Variants in LPCAT1 observed in about 807,000 individuals in gnomAD.
LPCAT1 encodes the protein lysophosphatidylcholine acyltransferase 1, also known as 1-acylglycerol-3-phosphate O-acyltransferase.
Under a neutral mutation model 60.9 loss-of-function variants are expected in LPCAT1, and 23 were observed. That is an observed-to-expected ratio of 0.38 (90% CI 0.27 to 0.53). The LOEUF (loss-of-function observed/expected upper bound fraction) is 0.53. Among genes scored for constraint, LPCAT1 ranks in the 20% least tolerant of loss-of-function variants. LPCAT1 has a pLI of 0.82. For missense variants in LPCAT1, 622 were observed against 723.6 expected (o/e 0.86, Z 1.61); for synonymous variants, 340 against 301.1 (o/e 1.13, Z -1.34).
At chr5:1,508,281 T>C (rs35837130) in intron 1 of LPCAT1, among the ~76,000 whole-genome samples, 2 of 152,246 alleles carry the variant, frequency 1.3e-5, no homozygotes, top group African/African-American at 4.8e-5. Context: ...GTATTATCAC[T>C]GCTTTGGTGT....
intron 1 of LPCAT1, among the ~76,000 whole-genome samples, chr5:1,515,459 G>T (rs1467863477): frequency 4.2e-5 from 1 of 24,052 alleles, no homozygotes; most frequent in Admixed American, 3.9e-4. Flanking sequence ...CACCTCCCCC[G>T]CCAGCCCAGA....
intron 13 of LPCAT1, among the ~76,000 whole-genome samples, chr5:1,464,723 AAC>A (rs533362388): frequency 3.9e-4 from 58 of 147,300 alleles, no homozygotes; most frequent in South Asian, 1.3e-3. Flanking sequence ...ACACACGGTA[AAC>A]ACACATGCAC....
At chr5:1,514,916 C>T (rs1406915298) in intron 1 of LPCAT1, among the ~76,000 whole-genome samples, 3 of 152,218 alleles carry the variant, frequency 2.0e-5, no homozygotes, top group Non-Finnish European at 2.9e-5. Context: ...CCAATCTCCC[C>T]GGACCTCCCG....
rs1383309700 is a variant in LPCAT1, at chr5:1,466,788, G to A, written c.1381C>T (p.Arg461Ter). ...CCCTTCTCCTCTTGGTCAATGGCTC[G>A]GAATAGGTCGGTCACGGTGAGCTCT... is the stretch of plus-strand genomic sequence containing the variant. ...VAELTVTDLFRAIDQEEKGKI... is the reference protein window; with the variant it reads ...VAELTVTDLF The change falls in exon 13 of 14, where the codon CGA becomes TGA. Residue 461 changes from arginine to a stop codon, truncating the protein, a stop_gained. Coordinates refer to ENST00000283415, the MANE Select transcript of LPCAT1 (RefSeq NM_024830.5). LOFTEE classifies it low-confidence loss of function (END_TRUNC). The A allele has an allele frequency of 6.2e-7, 1 of 1,612,810 alleles. No individual in the cohort carries two copies. Among genetic ancestry groups the A allele is most frequent in the Non-Finnish European group, 8.5e-7 (1 of 1,179,320 alleles).
Position 1,477,488 on chromosome 5 carries a change from T to A in LPCAT1, c.817-2A>T, listed in dbSNP as rs373686129. The A allele has an allele frequency of 1.9e-6, 3 of 1,611,126 alleles. No homozygotes were observed. The African/African-American group carries it at 4.0e-5, about 22-fold the overall frequency. On this transcript the variant is annotated splice_acceptor_variant, in intron 8 of 13. Coordinates refer to ENST00000283415, the MANE Select transcript of LPCAT1 (RefSeq NM_024830.5). LOFTEE classifies it high-confidence loss of function. This position sits in a 1 kb window ranked among gnomAD's most constrained non-coding sequence, Gnocchi z 6.0. ...AGAAGGGCTGTACACAGGAAGGAAC[T>A]GAGCACACAGAGAAGCTGCGTTAGT...
At position 1,483,734 on chromosome 5, in the gene LPCAT1, T is replaced by A. The variant is rs1331420998; in HGVS notation, c.668-248A>T. ...CCAAGGAACACTTTCTGTTTTAACATCGCGCACGAGCTGGAAGGCGTCTGT... is the reference window on the plus strand; with the variant it reads ...CCAAGGAACACTTTCTGTTTTAACAACGCGCACGAGCTGGAAGGCGTCTGT... On this transcript the variant is annotated intron_variant, in intron 5 of 13. Transcript: ENST00000283415. The surrounding 1 kb of genome is among the most constrained non-coding windows in gnomAD (Gnocchi z 9.2). Among the ~76,000 whole-genome samples, 1 of 151,974 alleles carries A rather than the reference T, an allele frequency of 6.6e-6. No individual in the cohort carries two copies. Among genetic ancestry groups the A allele is most frequent in the African/African-American group, 2.4e-5 (1 of 41,466 alleles).
chr5:1,520,787 C>T (rs1193375177), intron 1 of LPCAT1, among the ~76,000 whole-genome samples: 3 of 147,274 alleles, frequency 2.0e-5, no homozygotes, highest in Non-Finnish European at 3.0e-5. Context: ...GGCGTGAACC[C>T]GGGAAGCAGA....
At position 1,483,529 on chromosome 5, in the gene LPCAT1, C is replaced by A; in HGVS notation, c.668-43G>T. 6.2e-7 allele frequency: 1 copy of A among 1,601,036 alleles called. No individual in the cohort carries two copies. ...GCGGTGTTGCCCATGGCAGCCCACG[C>A]AGGACAGCGTCTGCTGCGTTTCTCA... is the stretch of plus-strand genomic sequence containing the variant. On this transcript the variant is annotated intron_variant, in intron 5 of 13. Transcript: ENST00000283415. This position sits in a 1 kb window ranked among gnomAD's most constrained non-coding sequence, Gnocchi z 9.2.
At chr5:1,520,860 C>CAAAAAAAAAAAAAAAAAAAAAAAAAAAA (rs59074953) in intron 1 of LPCAT1, among the ~76,000 whole-genome samples, 5 of 82,034 alleles carry the variant, frequency 6.1e-5, no homozygotes, top group Admixed American at 1.5e-4. Context: ...GAGACTGTCT[C>CAAAAAAAAAAAAAAAAAAAAAAAAAAAA]AAAAAAAAAA....
chr5:1,512,897 C>A (rs1736399053), intron 1 of LPCAT1, among the ~76,000 whole-genome samples: 1 of 152,258 alleles, frequency 6.6e-6, no homozygotes, highest in Non-Finnish European at 1.5e-5. Context: ...CAGAACGAGA[C>A]CGACGGAAAC....
At chr5:1,501,790 C>T (rs1736019888) in intron 1 of LPCAT1, among the ~76,000 whole-genome samples, 187 bp from the exon 2 acceptor site, 1 of 152,112 alleles carries the variant, frequency 6.6e-6, no homozygotes. Flanking sequence ...CTGACCGAGG[C>T]TGACCAGTGC....
At chr5:1,469,125 G>A (rs762525824) in intron 12 of LPCAT1, among the ~76,000 whole-genome samples, 20 of 152,326 alleles carry the variant, frequency 1.3e-4, no homozygotes, top group Non-Finnish European at 2.6e-4. Context: ...TGGTGTCGCC[G>A]TGGGGACGCA....
At chr5:1,464,565 AAC>A (rs201706598) in intron 13 of LPCAT1, among the ~76,000 whole-genome samples, 24 of 152,226 alleles carry the variant, frequency 1.6e-4, no homozygotes, top group Non-Finnish European at 2.6e-4. Flanking sequence ...CACACATGCA[AAC>A]ACACACACAC....
rs377159349 is a variant in LPCAT1 at position 1,473,857 on chromosome 5, A to C, written c.1179+100T>G. On this transcript the variant is annotated intron_variant, in intron 11 of 13. Transcript: ENST00000283415. ...GGGTGGTTTTCCTTCTCTGCTTTCAAATTCATGTGAAAATATATTTATATT... is the reference window on the plus strand; with the variant it reads ...GGGTGGTTTTCCTTCTCTGCTTTCACATTCATGTGAAAATATATTTATATT... 1 of 1,440,248 alleles carries C rather than the reference A, an allele frequency of 6.9e-7. No homozygotes were observed. The highest frequency in any genetic ancestry group is 9.3e-7 in the Non-Finnish European group (1 of 1,071,586). 89.2% of individuals were successfully genotyped at this position (1,440,248 alleles called of 1,614,324 possible).
rs771846188 is a variant in LPCAT1, at chr5:1,474,116, CAAAA to C, written c.1026-10_1026-7del. ...CAAGCTTTTCTGGTTTTAGCCTAGACAAAAAAAGAGGGAAAGCTTTCTTTTTCAA... is the reference window on the plus strand; with the variant it reads ...CAAGCTTTTCTGGTTTTAGCCTAGACAAAGAGGGAAAGCTTTCTTTTTCAA... On this transcript the variant is annotated splice_polypyrimidine_tract_variant and splice_region_variant and intron_variant, in intron 10 of 13. Coordinates refer to ENST00000283415, the MANE Select transcript of LPCAT1 (RefSeq NM_024830.5). The C allele has an allele frequency of 3.7e-6, 6 of 1,601,690 alleles. No homozygotes were observed. Among genetic ancestry groups the C allele is most frequent in the African/African-American group, 2.7e-5 (2 of 73,956 alleles).
intron 5 of LPCAT1, among the ~76,000 whole-genome samples, chr5:1,484,280 G>A (rs377142852): frequency 5.6e-4 from 86 of 152,394 alleles, no homozygotes; most frequent in Non-Finnish European, 1.0e-3. Flanking sequence ...CCCAGCAGCC[G>A]CTCCGCCTTC....
chr5:1,500,863 G>C (rs2126586760), intron 2 of LPCAT1, among the ~76,000 whole-genome samples: 1 of 152,358 alleles, frequency 6.6e-6, no homozygotes, highest in East Asian at 1.9e-4. Context: ...ACACCTGGAA[G>C]ATGGCCCCTC....
intron 1 of LPCAT1, among the ~76,000 whole-genome samples, chr5:1,513,702 A>G (rs10054325): frequency 0.01 from 1,532 of 147,716 alleles, 21 homozygotes; most frequent in African/African-American, 0.037. Flanking sequence ...CTGCGATTAC[A>G]TTTCCTCCAT....
At position 1,496,977 on chromosome 5, in the gene LPCAT1, A is replaced by G. The variant is rs564767839; in HGVS notation, c.279-2063T>C. ...GGGGATCTCCATCAGCACCCCCAGG[A>G]AATCCACTCCGTCCTACCGCCCTCA... On this transcript the variant is annotated intron_variant, in intron 2 of 13. Coordinates refer to ENST00000283415, the MANE Select transcript of LPCAT1 (RefSeq NM_024830.5). This position sits in a 1 kb window ranked among gnomAD's most constrained non-coding sequence, Gnocchi z 4.7. Among the ~76,000 whole-genome samples the G allele has an allele frequency of 3.9e-5, 6 of 152,294 alleles. No homozygotes were observed. The highest frequency in any genetic ancestry group is 1.4e-4 in the African/African-American group (6 of 41,546).
Sources: gnomAD v4.1 joint callset for allele counts (sites outside exome capture counted in the v4.1 genomes callset) on GRCh38, gnomAD v4.1.1 for gene constraint, Gnocchi (gnomAD v3.1) non-coding constraint, MANE v1.5 for transcripts, NCBI Gene and HGNC (gene_info 2026-07-23, HGNC 2026-07-21) for gene names.